The following PCDH11X variants were observed in gnomAD, a reference collection of about 807,000 sequenced individuals.
PCDH11X encodes the protein protocadherin 11 X-linked.
In PCDH11X, 18 loss-of-function variants were observed where a neutral mutation model predicts 53.3. The ratio of observed to expected loss-of-function variants is 0.34; its 90% CI spans 0.23 to 0.50. The LOEUF (loss-of-function observed/expected upper bound fraction) is 0.50. Ranked by LOEUF, PCDH11X falls within the 20% of genes least tolerant of loss-of-function variation. The probability of loss-of-function intolerance (pLI) is 0.98; values close to 1 mark genes in which losing one functional copy is unlikely to be tolerated. For synonymous variants in PCDH11X, 279 were observed against 393.3 expected (o/e 0.71, Z 3.44); for missense variants, 570 against 1,032.4 (o/e 0.55, Z 6.14).
At chrX:92,017,753 T>C (rs2062819748) in intron 6 of PCDH11X, among the ~76,000 whole-genome samples, 1 of 94,365 alleles carries the variant, frequency 1.1e-5, no homozygotes, top group African/African-American at 3.9e-5. Flanking sequence ...TTTTGAACAT[T>C]GCAAGAATTA....
chrX:92,326,203 G>A (rs1281348600), intron 8 of PCDH11X, among the ~76,000 whole-genome samples: 1 of 109,386 alleles, frequency 9.1e-6, no homozygotes, highest in Non-Finnish European at 1.9e-5. Flanking sequence ...GAAGCATTCT[G>A]TTCATGTAGA....
intron 6 of PCDH11X, among the ~76,000 whole-genome samples, chrX:92,032,714 AC>A (rs1287491637): frequency 9.2e-6 from 1 of 108,109 alleles, no homozygotes; most frequent in African/African-American, 3.4e-5. Flanking sequence ...TTTATCAAAT[AC>A]TTTTCTGGGA....
chrX:92,354,466 GA>G (rs1328920109), intron 8 of PCDH11X, among the ~76,000 whole-genome samples: 2 of 109,443 alleles, frequency 1.8e-5, no homozygotes, highest in African/African-American at 6.7e-5. Flanking sequence ...GAATTTTAGA[GA>G]GAAAAATGAT....
intron 6 of PCDH11X, among the ~76,000 whole-genome samples, chrX:92,111,256 C>T (rs2760001): frequency 1.4e-4 from 9 of 64,071 alleles, no homozygotes; most frequent in Middle Eastern, 8.7e-3. Context: ...AAAAAATCAG[C>T]GTCAACTACT....
At chrX:92,465,589 A>G (rs184306872) in intron 9 of PCDH11X, among the ~76,000 whole-genome samples, 27 of 111,823 alleles carry the variant, frequency 2.4e-4, no homozygotes, top group African/African-American at 8.4e-4. Flanking sequence ...AGTTCTATTG[A>G]CCTATAAGCT....
chrX:92,245,099 G>A (rs2067324426), intron 7 of PCDH11X, among the ~76,000 whole-genome samples: 2 of 112,310 alleles, frequency 1.8e-5, no homozygotes, highest in South Asian at 7.3e-4. Context: ...GATTCACAAA[G>A]AGTACATATG....
At chrX:91,780,666 C>G (rs1935103258) in intron 1 of PCDH11X, among the ~76,000 whole-genome samples, 1 of 112,283 alleles carries the variant, frequency 8.9e-6, no homozygotes, top group African/African-American at 3.2e-5. Flanking sequence ...TAAAACGGCT[C>G]TTTTTTTTCG....
Position 92,495,597 on chromosome X carries a change from A to G in PCDH11X, c.3367+27275A>G, listed in dbSNP as rs370305676. On this transcript the variant is annotated intron_variant, in intron 10 of 10. Coordinates refer to ENST00000682573, the MANE Select transcript of PCDH11X (RefSeq NM_032968.5). Reference sequence around the variant, plus strand: ...AAGTATGCAATTTGGCATATCAGTAAACATTCGAAATTATCACCACTGTAT... The same window carrying G: ...AAGTATGCAATTTGGCATATCAGTAGACATTCGAAATTATCACCACTGTAT... 1.1e-4 allele frequency among the ~76,000 whole-genome samples: 12 copies of G among 110,828 alleles called. No homozygotes were observed. The South Asian group carries it at 4.7e-3, about 44-fold the overall frequency.
rs543162352 is a variant in PCDH11X at position 92,283,670 on chromosome X, C to T, written c.3144+20527C>T. On this transcript the variant is annotated intron_variant, in intron 8 of 10. Transcript: ENST00000682573. Reference sequence around the variant, plus strand: ...TTTCATGATCTGATGGACAATTTTGCGTATAGTGCCATATGAATTGTTATA... The same window carrying T: ...TTTCATGATCTGATGGACAATTTTGTGTATAGTGCCATATGAATTGTTATA... 1.2e-4 allele frequency among the ~76,000 whole-genome samples: 13 copies of T among 111,592 alleles called. No individual in the cohort carries two copies. The South Asian group carries it at 1.5e-3, about 13-fold the overall frequency.
chrX:92,614,305 G>GT (rs1927732731), intron 10 of PCDH11X, among the ~76,000 whole-genome samples: 1 of 110,198 alleles, frequency 9.1e-6, no homozygotes, highest in Non-Finnish European at 1.9e-5. Flanking sequence ...ATTTTCTTTT[G>GT]TTTTTTATTT....
At chrX:92,102,508 G>T (rs945144084) in intron 6 of PCDH11X, among the ~76,000 whole-genome samples, 4 of 111,369 alleles carry the variant, frequency 3.6e-5, no homozygotes, top group African/African-American at 9.8e-5. Context: ...GACACGATCA[G>T]CAGGGAAAGC....
intron 7 of PCDH11X, among the ~76,000 whole-genome samples, chrX:92,208,101 A>G (rs1205354332): frequency 9.3e-6 from 1 of 107,287 alleles, no homozygotes; most frequent in Admixed American, 1.0e-4. Context: ...AGGCTGAGGC[A>G]GGAGAATCAC....
In PCDH11X at chrX:91,826,886, C is replaced by A. The variant is rs991567733; in HGVS notation, c.-44-8575C>A. On this transcript the variant is annotated intron_variant, in intron 4 of 10. Coordinates refer to ENST00000682573, the MANE Select transcript of PCDH11X (RefSeq NM_032968.5). ...TTATTGATGGACATTTAGGTTGATT[C>A]TATGTATTTACTATTGTGAATAGTG... 3.5e-4 allele frequency among the ~76,000 whole-genome samples: 36 copies of A among 102,977 alleles called. 1 individual carries two copies. The highest frequency in any genetic ancestry group is 5.3e-4 in the Non-Finnish European group (27 of 50,599). The allele number at this position is 102,977 out of a possible 115,157, so 89.4% of individuals were successfully genotyped here.
intron 6 of PCDH11X, among the ~76,000 whole-genome samples, chrX:92,093,301 G>A (rs925417445): frequency 4.5e-5 from 5 of 111,357 alleles, no homozygotes; most frequent in Non-Finnish European, 9.4e-5. Context: ...GAATATACTC[G>A]AGAATGTATT....
intron 6 of PCDH11X, among the ~76,000 whole-genome samples, chrX:91,908,950 A>C (rs1210486276): frequency 1.8e-5 from 2 of 110,483 alleles, no homozygotes; most frequent in Non-Finnish European, 3.8e-5. Flanking sequence ...CAAAGACAGA[A>C]ATACCATTCA....
chrX:92,185,105 A>G (rs5984900), intron 6 of PCDH11X, among the ~76,000 whole-genome samples: 54,775 of 108,746 alleles, frequency 0.5, 10,591 homozygotes, highest in Non-Finnish European at 0.6. Context: ...AACTGGGGCT[A>G]TTTCATTGCC....
At position 91,822,321 on chromosome X, in the gene PCDH11X, G is replaced by T. The variant is rs1404099677; in HGVS notation, c.-45+11026G>T. On this transcript the variant is annotated intron_variant, in intron 4 of 10. Coordinates refer to ENST00000682573, the MANE Select transcript of PCDH11X (RefSeq NM_032968.5). ...TCTGGTCCTGGACTCTTTTTGGTTG[G>T]TAAGCTATTGATTATTGCCACAATT... Among the ~76,000 whole-genome samples the T allele has an allele frequency of 2.8e-5, 3 of 105,371 alleles. No individual in the cohort carries two copies. In the Admixed American group the frequency reaches 3.0e-4, roughly 11 times the overall value. The allele number at this position is 105,371 out of a possible 115,157, so 91.5% of individuals were successfully genotyped here.
At chrX:92,453,336 T>G (rs1249613056) in intron 9 of PCDH11X, among the ~76,000 whole-genome samples, 5 of 111,324 alleles carry the variant, frequency 4.5e-5, no homozygotes, top group African/African-American at 1.6e-4. Flanking sequence ...GTATCTGTTC[T>G]AAATTTCATC....
intron 7 of PCDH11X, among the ~76,000 whole-genome samples, chrX:92,242,434 AGTT>A (rs1416396057): frequency 3.6e-5 from 4 of 111,228 alleles, no homozygotes; most frequent in African/African-American, 1.3e-4. Flanking sequence ...GGTTCATTCA[AGTT>A]GTTGTGTGCA....
Sources: allele counts gnomAD v4.1 joint callset (sites outside exome capture counted in the v4.1 genomes callset), GRCh38; gene constraint gnomAD v4.1.1; transcripts MANE v1.5; gene names NCBI Gene and HGNC (gene_info 2026-07-23, HGNC 2026-07-21).